Variants in SORCS2 observed in about 807,000 individuals in gnomAD.
The protein encoded by SORCS2 is sortilin related VPS10 domain containing receptor 2.
SORCS2 carries 100 observed loss-of-function variants against 141.6 expected under a neutral mutation model. The observed-to-expected ratio is 0.71, with a 90% CI of 0.60 to 0.83. The LOEUF (loss-of-function observed/expected upper bound fraction) is 0.83, where lower values mean the gene tolerates loss of function less well. SORCS2 is among the 40% of genes least tolerant of loss of function. The pLI, the probability that SORCS2 is intolerant of heterozygous loss-of-function variation, is 0.00. For synonymous variants in SORCS2, 789 were observed against 676.9 expected (o/e 1.17, Z -2.57); for missense variants, 1,646 against 1,560.2 (o/e 1.05, Z -0.93).
chr4:7,399,477 C>T (rs568435206), intron 2 of SORCS2, among the ~76,000 whole-genome samples: 55 of 152,282 alleles, frequency 3.6e-4, no homozygotes, highest in African/African-American at 5.8e-4. Context: ...CTGCATTTGA[C>T]GGGCCGCATG....
chr4:7,516,987 T>C (rs773575391), intron 2 of SORCS2, among the ~76,000 whole-genome samples: 6 of 152,198 alleles, frequency 3.9e-5, no homozygotes, highest in Non-Finnish European at 8.8e-5. Flanking sequence ...GAGAATGTGC[T>C]AGTCCTCCGG....
At chr4:7,334,425 C>G (rs1417207396) in intron 1 of SORCS2, among the ~76,000 whole-genome samples, 1 of 152,140 alleles carries the variant, frequency 6.6e-6, no homozygotes, top group Non-Finnish European at 1.5e-5. Context: ...GGGCTGGTCC[C>G]CCCTCCCATT....
At chr4:7,593,611 G>GTGC (rs1717060497) in intron 3 of SORCS2, among the ~76,000 whole-genome samples, 1 of 152,088 alleles carries the variant, frequency 6.6e-6, no homozygotes, top group Non-Finnish European at 1.5e-5. Context: ...GTTCCAGGTG[G>GTGC]TGCTGCTGCT....
chr4:7,642,572 C>T (rs1720818744), intron 4 of SORCS2, among the ~76,000 whole-genome samples: 1 of 152,204 alleles, frequency 6.6e-6, no homozygotes, highest in African/African-American at 2.4e-5. Context: ...AGCTAATTCT[C>T]AAGAAGCAGG....
chr4:7,533,425 T>C (rs1458995708), intron 3 of SORCS2, among the ~76,000 whole-genome samples: 2 of 152,024 alleles, frequency 1.3e-5, no homozygotes, highest in Non-Finnish European at 2.9e-5. Context: ...CAGCTGGCAA[T>C]AGAGGAGGCC....
At chr4:7,280,342 G>A (rs6856962) in intron 1 of SORCS2, among the ~76,000 whole-genome samples, 1 of 152,020 alleles carries the variant, frequency 6.6e-6, no homozygotes, top group African/African-American at 2.4e-5. Context: ...CTCGAGAGGC[G>A]AGGATGGGAG....
intron 8 of SORCS2, among the ~76,000 whole-genome samples, chr4:7,670,935 C>T (rs1271316999): frequency 6.6e-6 from 1 of 152,196 alleles, no homozygotes; most frequent in Non-Finnish European, 1.5e-5. Context: ...ATTGCAACCA[C>T]CATGAGTTGA....
At chr4:7,602,617 C>T (rs555020239) in intron 3 of SORCS2, among the ~76,000 whole-genome samples, 8 of 150,454 alleles carry the variant, frequency 5.3e-5, no homozygotes, top group African/African-American at 1.2e-4. Flanking sequence ...CGGGAAGAGG[C>T]GCTCCTCACT....
chr4:7,208,573 A>T lies in SORCS2; in HGVS notation c.480+15447A>T, dbSNP rs1727877463. On this transcript the variant is annotated intron_variant, in intron 1 of 26. Coordinates refer to ENST00000507866, the MANE Select transcript of SORCS2 (RefSeq NM_020777.3). ...GGCAAGGGATGACCACGGCTGTTTC[A>T]AGGGCGAGAGGCTGCAGCTCCATCC... is the stretch of plus-strand genomic sequence containing the variant. Among the ~76,000 whole-genome samples the T allele has an allele frequency of 1.3e-5, 2 of 152,294 alleles. 1 individual carries two copies. Among genetic ancestry groups the T allele is most frequent in the East Asian group, 3.9e-4 (2 of 5,176 alleles).
intron 2 of SORCS2, among the ~76,000 whole-genome samples, chr4:7,488,780 C>G (rs562162998): frequency 6.6e-6 from 1 of 152,346 alleles, no homozygotes; most frequent in East Asian, 1.9e-4. Flanking sequence ...TGACTGCTTC[C>G]TGTTGCTCCT....
At chr4:7,259,536 G>A (rs546723210) in intron 1 of SORCS2, among the ~76,000 whole-genome samples, 35 of 152,328 alleles carry the variant, frequency 2.3e-4, no homozygotes, top group African/African-American at 7.5e-4. Flanking sequence ...TGTCCCTGAC[G>A]TCAGGCCCAG....
chr4:7,643,069 C>T (rs6822885), intron 4 of SORCS2, among the ~76,000 whole-genome samples: 92,463 of 152,064 alleles, frequency 0.61, 29,563 homozygotes, highest in East Asian at 0.93. Context: ...CCTTCCCATA[C>T]GCCCGCCCTG....
At chr4:7,574,337 C>A (rs1278142328) in intron 3 of SORCS2, among the ~76,000 whole-genome samples, 1 of 152,238 alleles carries the variant, frequency 6.6e-6, no homozygotes, top group African/African-American at 2.4e-5. Context: ...GAGGTACTCC[C>A]TGAGAACAGC....
At chr4:7,694,865 C>G (rs1724493578) in intron 11 of SORCS2, among the ~76,000 whole-genome samples, 1 of 152,138 alleles carries the variant, frequency 6.6e-6, no homozygotes, top group Non-Finnish European at 1.5e-5. Context: ...ACACCCAGTC[C>G]CCTTTCCCTT....
chr4:7,504,759 G>A (rs1347574393), intron 2 of SORCS2, among the ~76,000 whole-genome samples: 1 of 152,162 alleles, frequency 6.6e-6, no homozygotes, highest in Admixed American at 6.5e-5. Context: ...ATTTTGTCTT[G>A]GGCCTCACAA....
rs113940049 is a variant in SORCS2 at position 7,681,183 on chromosome 4, C to T, written c.1342-1560C>T. The stretch of plus-strand genomic sequence containing the variant: ...GGACTGCACTGGAGAGAATAGTGAC[C>T]CCCTCAAAGATGGCCACATCCCGAG... On this transcript the variant is annotated intron_variant, in intron 9 of 26. Coordinates refer to ENST00000507866, the MANE Select transcript of SORCS2 (RefSeq NM_020777.3). Among the ~76,000 whole-genome samples the T allele has an allele frequency of 8.1e-3, 1,235 of 152,202 alleles. 8 individuals carry two copies. Among genetic ancestry groups the T allele is most frequent in the Non-Finnish European group, 0.013 (910 of 68,020 alleles).
chr4:7,588,011 C>T (rs564242681), intron 3 of SORCS2, among the ~76,000 whole-genome samples: 2 of 152,302 alleles, frequency 1.3e-5, no homozygotes, highest in Admixed American at 6.5e-5. Context: ...TCAGAACACC[C>T]AGGGGCAGAG....
At chr4:7,518,031 T>C (rs1733096664) in intron 2 of SORCS2, among the ~76,000 whole-genome samples, 2 of 152,200 alleles carry the variant, frequency 1.3e-5, no homozygotes, top group South Asian at 4.1e-4. Context: ...GTGTGTGCCT[T>C]GTAACTGAAA....
intron 9 of SORCS2, among the ~76,000 whole-genome samples, chr4:7,676,925 T>TTG: frequency 1.7e-5 from 1 of 57,390 alleles, no homozygotes; most frequent in Non-Finnish European, 3.5e-5. Context: ...CCTCTCTCCC[T>TTG]CTCTCCCTCT....
Sources: allele counts gnomAD v4.1 joint callset (sites outside exome capture counted in the v4.1 genomes callset), GRCh38; gene constraint gnomAD v4.1.1; transcripts MANE v1.5; gene names NCBI Gene and HGNC (gene_info 2026-07-23, HGNC 2026-07-21).